Variants in SETBP1 observed in about 807,000 individuals in gnomAD.
SETBP1 encodes SET-binding protein.
In SETBP1, 9 loss-of-function variants were observed where a neutral mutation model predicts 101.0. The observed-to-expected ratio is 0.09, with a 90% CI of 0.05 to 0.16. The LOEUF (loss-of-function observed/expected upper bound fraction) is 0.16, where lower values mean the gene tolerates loss of function less well. Among genes scored for constraint, SETBP1 ranks in the 10% least tolerant of loss-of-function variants. The probability of loss-of-function intolerance (pLI) is 1.00; values close to 1 mark genes in which losing one functional copy is unlikely to be tolerated. For synonymous variants in SETBP1, 818 were observed against 788.5 expected (o/e 1.04, Z -0.63); for missense variants, 1,858 against 2,033.8 (o/e 0.91, Z 1.66).
intron 4 of SETBP1, among the ~76,000 whole-genome samples, chr18:45,023,524 C>T (rs774236925): frequency 1.3e-5 from 2 of 152,194 alleles, no homozygotes. Flanking sequence ...AAACTGCTTC[C>T]TTATAGCCAA....
In SETBP1 at chr18:44,739,699, A is replaced by G. The variant is rs541484918; in HGVS notation, c.486+37867A>G. Among the ~76,000 whole-genome samples, 6 of 152,320 alleles carry G rather than the reference A, an allele frequency of 3.9e-5. No homozygotes were observed. The East Asian group carries it at 5.8e-4, about 15-fold the overall frequency. ...TTGGTTATTCAACTTGTATCAAATG[A>G]ATGACAGATACAGAAGAGTTTGGCA... On this transcript the variant is annotated intron_variant, in intron 2 of 5. Transcript: ENST00000649279.
chr18:44,706,115 A>G (rs368561935), intron 2 of SETBP1, among the ~76,000 whole-genome samples: 6 of 152,124 alleles, frequency 3.9e-5, no homozygotes, highest in African/African-American at 1.4e-4. Context: ...TCTCCTTTGG[A>G]CAGGTCTAAT....
intron 4 of SETBP1, among the ~76,000 whole-genome samples, chr18:44,992,752 T>C (rs2145294174): frequency 6.6e-6 from 1 of 152,190 alleles, no homozygotes; most frequent in Middle Eastern, 3.4e-3. Context: ...CGTTTTACAG[T>C]TAGTTCTGCC....
intron 2 of SETBP1, among the ~76,000 whole-genome samples, chr18:44,819,970 C>T (rs1298065685): frequency 2.0e-5 from 3 of 152,236 alleles, no homozygotes; most frequent in Admixed American, 1.3e-4. Context: ...AAAAAGTTGC[C>T]TTGCTGTACA....
At chr18:44,746,844 C>A (rs2070262799) in intron 2 of SETBP1, among the ~76,000 whole-genome samples, 1 of 152,146 alleles carries the variant, frequency 6.6e-6, no homozygotes, top group African/African-American at 2.4e-5. Flanking sequence ...AATAGGAAAG[C>A]TACGTGCACA....
At chr18:44,813,366 C>T (rs1329089245) in intron 2 of SETBP1, among the ~76,000 whole-genome samples, 1 of 151,884 alleles carries the variant, frequency 6.6e-6, no homozygotes, top group East Asian at 1.9e-4. Flanking sequence ...AAAGGAAACT[C>T]TTCTTCATGA....
chr18:44,777,268 A>G (rs1294932447), intron 2 of SETBP1, among the ~76,000 whole-genome samples: 2 of 152,192 alleles, frequency 1.3e-5, no homozygotes, highest in African/African-American at 2.4e-5. Context: ...CCTGGTCAAC[A>G]TAGCATAACT....
chr18:44,803,299 C>T (rs949453220), intron 2 of SETBP1, among the ~76,000 whole-genome samples: 1 of 152,154 alleles, frequency 6.6e-6, no homozygotes, highest in African/African-American at 2.4e-5. Flanking sequence ...AAGGCCCAGG[C>T]CCTTGGCACG....
At chr18:44,700,460 TTCTC>T (rs971548528) in intron 1 of SETBP1, among the ~76,000 whole-genome samples, 48 of 152,320 alleles carry the variant, frequency 3.2e-4, no homozygotes, top group African/African-American at 1.2e-3. Context: ...ATGATTAAAT[TTCTC>T]TCTTTTGTGT....
chr18:45,029,739 T>C (rs1190320629), intron 4 of SETBP1, among the ~76,000 whole-genome samples: 8 of 152,216 alleles, frequency 5.3e-5, no homozygotes, highest in Admixed American at 2.6e-4. Flanking sequence ...ACTTGTAAGT[T>C]GGATTCCTAG....
intron 2 of SETBP1, among the ~76,000 whole-genome samples, chr18:44,837,068 G>T (rs1456754901): frequency 6.6e-6 from 1 of 152,208 alleles, no homozygotes; most frequent in Non-Finnish European, 1.5e-5. Flanking sequence ...GAAGGGCTCT[G>T]CTCCATGGGC....
intron 2 of SETBP1, among the ~76,000 whole-genome samples, chr18:44,797,947 T>C (rs942729156): frequency 1.3e-5 from 2 of 152,172 alleles, no homozygotes; most frequent in African/African-American, 2.4e-5. Context: ...GGCAGGTGGA[T>C]TCATGTTGGG....
At chr18:44,900,592 T>C (rs1467341856) in intron 3 of SETBP1, among the ~76,000 whole-genome samples, 5 of 152,172 alleles carry the variant, frequency 3.3e-5, no homozygotes, top group African/African-American at 1.2e-4. Context: ...AGGAGAAAAA[T>C]TCGTTCACAA....
intron 2 of SETBP1, among the ~76,000 whole-genome samples, chr18:44,704,398 T>C (rs904492784): frequency 1.3e-5 from 2 of 152,318 alleles, no homozygotes; most frequent in African/African-American, 4.8e-5. Flanking sequence ...GGGCTGAAAT[T>C]CAATGCACAG....
At chr18:45,048,978 C>CAAAAAAAAAAAAAAAAAAAAA (rs71177665) in intron 5 of SETBP1, among the ~76,000 whole-genome samples, 1 of 46,636 alleles carries the variant, frequency 2.1e-5, no homozygotes, top group Non-Finnish European at 3.9e-5. Flanking sequence ...GACTCCGTCT[C>CAAAAAAAAAAAAAAAAAAAAA]AAAAAAAAAA....
chr18:44,856,318 G>A (rs1325111582), intron 2 of SETBP1, among the ~76,000 whole-genome samples: 2 of 152,186 alleles, frequency 1.3e-5, no homozygotes, highest in Non-Finnish European at 2.9e-5. Flanking sequence ...TCCTGCATTG[G>A]AGGAAGGCTG....
intron 4 of SETBP1, among the ~76,000 whole-genome samples, chr18:45,013,516 C>T (rs773172267): frequency 3.3e-5 from 5 of 151,838 alleles, no homozygotes; most frequent in Non-Finnish European, 7.4e-5. Context: ...CTGGGCTCAT[C>T]GCAACTTCTG....
In SETBP1 at chr18:44,889,473, G is replaced by A. The variant is rs536668539; in HGVS notation, c.540+20190G>A. On this transcript the variant is annotated intron_variant, in intron 3 of 5. Coordinates refer to ENST00000649279, the MANE Select transcript of SETBP1 (RefSeq NM_015559.3). The stretch of plus-strand genomic sequence containing the variant: ...GTTTGGCCCCAGTCATGTGGGGAGT[G>A]TAGACTAGAGTCATAAGAAATACTG... 3.3e-5 allele frequency among the ~76,000 whole-genome samples: 5 copies of A among 152,272 alleles called. No individual in the cohort carries two copies. The South Asian group carries it at 1.0e-3, about 32-fold the overall frequency.
chr18:44,696,052 C>T (rs2069012459), intron 1 of SETBP1, among the ~76,000 whole-genome samples: 1 of 152,148 alleles, frequency 6.6e-6, no homozygotes, highest in Admixed American at 6.5e-5. Context: ...GTGCATGGCA[C>T]CTGGGCAAAG....
Sources: allele counts gnomAD v4.1 joint callset (sites outside exome capture counted in the v4.1 genomes callset), GRCh38; gene constraint gnomAD v4.1.1; transcripts MANE v1.5; gene names NCBI Gene and HGNC (gene_info 2026-07-23, HGNC 2026-07-21).